The following CTCF variants were observed in gnomAD, a reference collection of about 807,000 sequenced individuals.
CTCF encodes CCCTC-binding factor.
CTCF carries 7 observed loss-of-function variants against 72.3 expected under a neutral mutation model. That is an observed-to-expected ratio of 0.10 (90% CI 0.06 to 0.18). The LOEUF (loss-of-function observed/expected upper bound fraction) is 0.18, where lower values mean the gene tolerates loss of function less well. Among genes scored for constraint, CTCF ranks in the 10% least tolerant of loss-of-function variants. The pLI is 1.00. For missense variants in CTCF, 516 were observed against 949.1 expected (o/e 0.54, Z 6.00); for synonymous variants, 374 against 315.8 (o/e 1.18, Z -1.95).
chr16:67,610,499 C>T (rs1235661893), intron 2 of CTCF: 1 of 153,604 alleles, frequency 6.5e-6, no homozygotes, highest in East Asian at 1.9e-4. Flanking sequence ...ACTACAGGCG[C>T]CCGCCACCAT....
At chr16:67,571,684 C>T (rs369332863) in intron 2 of CTCF, among the ~76,000 whole-genome samples, 5 of 152,146 alleles carry the variant, frequency 3.3e-5, no homozygotes, top group East Asian at 3.8e-4. Context: ...AGTCCATGAC[C>T]TGTGGCTACT....
intron 2 of CTCF, among the ~76,000 whole-genome samples, chr16:67,583,336 A>G (rs1253642946): frequency 6.6e-6 from 1 of 152,088 alleles, no homozygotes; most frequent in African/African-American, 2.4e-5. Context: ...TTCCCCAATA[A>G]GGAAGGAGGA....
chr16:67,633,634 AT>A (rs1312670630), intron 10 of CTCF, among the ~76,000 whole-genome samples: 1 of 152,146 alleles, frequency 6.6e-6, no homozygotes, highest in East Asian at 1.9e-4. Context: ...GCCAGGCGTG[AT>A]GGATGAAGCC....
chr16:67,632,945 T>C (rs1377402460), intron 10 of CTCF, among the ~76,000 whole-genome samples: 1 of 152,152 alleles, frequency 6.6e-6, no homozygotes. Flanking sequence ...AGTGTACATT[T>C]TGTGCCGCAG....
chr16:67,594,383 C>CA (rs749617312), intron 2 of CTCF, among the ~76,000 whole-genome samples: 1,518 of 68,460 alleles, frequency 0.022, 16 homozygotes, highest in African/African-American at 0.049. Flanking sequence ...GACCCTGTCT[C>CA]AAAAAAAAAA....
intron 4 of CTCF, among the ~76,000 whole-genome samples, chr16:67,612,696 G>T (rs1325006606): frequency 6.6e-6 from 1 of 152,114 alleles, no homozygotes; most frequent in Non-Finnish European, 1.5e-5. Flanking sequence ...ACTCTGGGAG[G>T]CTGAGGTGGG....
chr16:67,597,285 C>T (rs1289584903), intron 2 of CTCF, among the ~76,000 whole-genome samples: 3 of 152,048 alleles, frequency 2.0e-5, no homozygotes, highest in Non-Finnish European at 4.4e-5. Context: ...ATCTGCTGGC[C>T]TTGGCCTCTC....
rs1306091764 is a variant in CTCF, at chr16:67,638,275, T to TA, written c.*404dup. The stretch of plus-strand genomic sequence containing the variant: ...TGTAAATGCATACTTGGGAAGGACT[T>TA]AGAGTTTTAAACTGTTTTTTGCTTT... On this transcript the variant is annotated 3_prime_UTR_variant, in exon 12 of 12. Transcript: ENST00000264010. The TA allele has an allele frequency of 3.3e-5, 8 of 240,740 alleles. No homozygotes were observed. The highest frequency in any genetic ancestry group is 1.3e-4 in the African/African-American group (6 of 45,480). 14.9% of individuals were successfully genotyped at this position (240,740 alleles called of 1,614,324 possible). A position where few individuals can be genotyped will look rare whatever the true frequency, so the allele number is the denominator to read the frequency against.
chr16:67,563,885 G>A (rs1353346198), intron 1 of CTCF: 2 of 152,178 alleles, frequency 1.3e-5, no homozygotes, highest in African/African-American at 2.4e-5. Flanking sequence ...GCGCCAGTAG[G>A]GCAGAATGAG....
At chr16:67,597,947 A>AGG (rs1420917443) in intron 2 of CTCF, among the ~76,000 whole-genome samples, 1 of 151,856 alleles carries the variant, frequency 6.6e-6, no homozygotes, top group Non-Finnish European at 1.5e-5. Context: ...TTGGGGCTGG[A>AGG]GGGGAAGGGT....
rs1450712281 is a variant in CTCF at position 67,612,316 on chromosome 16, A to T, written c.952+195A>T. The T allele has an allele frequency of 3.3e-5, 15 of 458,798 alleles. No individual in the cohort carries two copies. The Admixed American group carries it at 6.4e-4, about 19-fold the overall frequency. The allele number at this position is 458,798 out of a possible 1,614,324, so 28.4% of individuals were successfully genotyped here. A position where few individuals can be genotyped will look rare whatever the true frequency, so the allele number is the denominator to read the frequency against. ...ACAAATGTAAAGAAAATTTAATGAA[A>T]AATAACACCCTCTCTCTTAAAAAAA... is the stretch of plus-strand genomic sequence containing the variant. On this transcript the variant is annotated intron_variant, in intron 4 of 11. Transcript: ENST00000264010.
intron 2 of CTCF, among the ~76,000 whole-genome samples, chr16:67,589,879 G>C (rs1223489692): frequency 6.6e-6 from 1 of 152,104 alleles, no homozygotes; most frequent in African/African-American, 2.4e-5. Flanking sequence ...CTAAGGTCAG[G>C]AGTTTGAGAC....
chr16:67,622,725 C>A lies in CTCF; in HGVS notation c.1357+1134C>A, dbSNP rs141401302. On this transcript the variant is annotated intron_variant, in intron 7 of 11. Coordinates refer to ENST00000264010, the MANE Select transcript of CTCF (RefSeq NM_006565.4). ...ATGGCATGAACTCAGCTCACTGCCACCTGTGCCTCCCAGGTTCAAGTGATT... is the reference window on the plus strand; with the variant it reads ...ATGGCATGAACTCAGCTCACTGCCAACTGTGCCTCCCAGGTTCAAGTGATT... 1.8e-4 allele frequency among the ~76,000 whole-genome samples: 27 copies of A among 151,044 alleles called. 1 individual carries two copies. In the East Asian group the frequency reaches 5.0e-3, roughly 28 times the overall value.
Position 67,613,102 on chromosome 16 carries a change from G to T in CTCF, c.952+981G>T, listed in dbSNP as rs571148527. On this transcript the variant is annotated intron_variant, in intron 4 of 11. Coordinates refer to ENST00000264010, the MANE Select transcript of CTCF (RefSeq NM_006565.4). ...ATATTCTGATATTAGCTTCATGTTGGCTGTGGCCAGGTTCCCTGAGGTCTC... is the reference window on the plus strand; with the variant it reads ...ATATTCTGATATTAGCTTCATGTTGTCTGTGGCCAGGTTCCCTGAGGTCTC... Among the ~76,000 whole-genome samples the T allele has an allele frequency of 2.1e-4, 32 of 152,298 alleles. No individual in the cohort carries two copies. In the South Asian group the frequency reaches 6.6e-3, roughly 32 times the overall value.
At chr16:67,618,749 G>C (rs1030423932) in intron 5 of CTCF, among the ~76,000 whole-genome samples, 2 of 152,202 alleles carry the variant, frequency 1.3e-5, no homozygotes, top group African/African-American at 4.8e-5. Context: ...GTATGAAATG[G>C]ATTCTAATAG....
chr16:67,599,685 A>G (rs1010607659), intron 2 of CTCF, among the ~76,000 whole-genome samples: 1 of 152,186 alleles, frequency 6.6e-6, no homozygotes, highest in Non-Finnish European at 1.5e-5. Flanking sequence ...CACCTAGATG[A>G]TAGAGAAACA....
At chr16:67,623,208 G>T (rs958865244) in intron 7 of CTCF, 2 of 152,066 alleles carry the variant, frequency 1.3e-5, no homozygotes, top group African/African-American at 4.8e-5. Context: ...TGCCCTCATT[G>T]GCCTCCCAAA....
intron 1 of CTCF, among the ~76,000 whole-genome samples, chr16:67,568,758 A>G (rs1000496328): frequency 6.6e-6 from 1 of 152,012 alleles, no homozygotes; most frequent in African/African-American, 2.4e-5. Context: ...TTGAACTCCT[A>G]GGCTCGAGCA....
At chr16:67,585,977 A>G (rs1226830741) in intron 2 of CTCF, among the ~76,000 whole-genome samples, 1 of 151,512 alleles carries the variant, frequency 6.6e-6, no homozygotes, top group Non-Finnish European at 1.5e-5. Flanking sequence ...CCTGCCCTCC[A>G]CCCTACCCCC....
Sources: gnomAD v4.1 joint callset for allele counts (sites outside exome capture counted in the v4.1 genomes callset) on GRCh38, gnomAD v4.1.1 for gene constraint, MANE v1.5 for transcripts, NCBI Gene and HGNC (gene_info 2026-07-23, HGNC 2026-07-21) for gene names.